The following ZNF451 variants were observed in gnomAD, a reference collection of about 807,000 sequenced individuals.
The protein encoded by ZNF451 is E3 SUMO-protein ligase ZNF451.
Under a neutral mutation model 107.1 loss-of-function variants are expected in ZNF451, and 80 were observed. That is an observed-to-expected ratio of 0.75 (90% CI 0.62 to 0.90). ZNF451 has a LOEUF of 0.90. ZNF451 is among the 40% of genes least tolerant of loss of function. The pLI is 0.00. For missense variants in ZNF451, 1,107 were observed against 1,236.2 expected (o/e 0.90, Z 1.57); for synonymous variants, 362 against 406.5 (o/e 0.89, Z 1.32).
At chr6:57,131,389 C>G (rs529474057) in intron 5 of ZNF451, among the ~76,000 whole-genome samples, 130 of 152,100 alleles carry the variant, frequency 8.5e-4, no homozygotes, top group Non-Finnish European at 1.6e-3. Context: ...GCTTCTCCAA[C>G]TTTATTTTTA....
At chr6:57,101,134 A>C in intron 3 of ZNF451, 2 of 1,550,786 alleles carry the variant, frequency 1.3e-6, no homozygotes, top group African/African-American at 1.4e-5. Context: ...AACTGATTAC[A>C]AATCACCATC....
At chr6:57,099,497 C>G in intron 3 of ZNF451, 1 of 716,956 alleles carries the variant, frequency 1.4e-6, no homozygotes, top group Non-Finnish European at 2.6e-6. Flanking sequence ...TTCTTTTGTT[C>G]CAGAACCACA....
At chr6:57,102,037 C>T (rs1159283490) in intron 3 of ZNF451, 3 of 1,548,386 alleles carry the variant, frequency 1.9e-6, no homozygotes, top group Non-Finnish European at 1.7e-6. Flanking sequence ...ACCTCGAAAC[C>T]ACCCCTATAG....
chr6:57,169,085 A>C lies in ZNF451; in HGVS notation c.*616A>C, dbSNP rs1199449280. 1 of 152,184 alleles carries C rather than the reference A, an allele frequency of 6.6e-6. No individual in the cohort carries two copies. Among genetic ancestry groups the C allele is most frequent in the Non-Finnish European group, 1.5e-5 (1 of 67,992 alleles). 9.4% of individuals were successfully genotyped at this position (152,184 alleles called of 1,614,324 possible). A position where few individuals can be genotyped will look rare whatever the true frequency, so the allele number is the denominator to read the frequency against. On this transcript the variant is annotated 3_prime_UTR_variant, in exon 15 of 15. Transcript: ENST00000370706. ...AGAGCAGCACATTGCTAAAATAAAA[A>C]ATACACCTTAATTTTTAAGAAATAA...
At position 57,153,983 on chromosome 6, in the gene ZNF451, C is replaced by CA; in HGVS notation, c.3006_3007insA (p.Pro1003ThrfsTer15). The CA allele has an allele frequency of 6.2e-7, 1 of 1,614,124 alleles. No individual in the cohort carries two copies. The highest frequency in any genetic ancestry group is 8.5e-7 in the Non-Finnish European group (1 of 1,180,016). ...CTCAGAGGCCAGCTCATATACTAAA[C>CA]CCTCACCACTTAGAGGGAGATATGA... On this transcript the variant is annotated frameshift_variant, in exon 13 of 15. Coordinates refer to ENST00000370706, the MANE Select transcript of ZNF451 (RefSeq NM_001031623.3). LOFTEE classifies it high-confidence loss of function.
At chr6:57,157,787 C>T (rs1315903233) in intron 13 of ZNF451, among the ~76,000 whole-genome samples, 1 of 151,924 alleles carries the variant, frequency 6.6e-6, no homozygotes, top group South Asian at 2.1e-4. Flanking sequence ...TATTTTATTC[C>T]CAAATACTTC....
chr6:57,131,892 G>GT (rs1156339178), intron 5 of ZNF451, among the ~76,000 whole-genome samples: 1 of 152,148 alleles, frequency 6.6e-6, no homozygotes, highest in Non-Finnish European at 1.5e-5. Context: ...TTTTGCAATT[G>GT]TTTTTTATAC....
chr6:57,136,494 AAG>A (rs1434968156), intron 7 of ZNF451, among the ~76,000 whole-genome samples: 1 of 152,160 alleles, frequency 6.6e-6, no homozygotes, highest in East Asian at 1.9e-4. Flanking sequence ...ATTCAGAATG[AAG>A]ACCTTAAAGT....
intron 3 of ZNF451, chr6:57,101,723 G>T (rs1414751211): frequency 1.9e-6 from 3 of 1,550,486 alleles, no homozygotes; most frequent in Non-Finnish European, 2.6e-6. Flanking sequence ...TGGCAACTTT[G>T]TACTACTAGG....
Position 57,124,875 on chromosome 6 carries a change from A to G in ZNF451, c.312+16A>G, listed in dbSNP as rs1350841925. Reference sequence around the variant, plus strand: ...AGCATTCAGAGTATGTGCTATTTTAATTGGTATTTTATATAATTAAAAAAT... The same window carrying G: ...AGCATTCAGAGTATGTGCTATTTTAGTTGGTATTTTATATAATTAAAAAAT... On this transcript the variant is annotated intron_variant, in intron 4 of 14. Coordinates refer to ENST00000370706, the MANE Select transcript of ZNF451 (RefSeq NM_001031623.3). The G allele has an allele frequency of 1.4e-6, 2 of 1,470,508 alleles. No homozygotes were observed. The highest frequency in any genetic ancestry group is 2.5e-5 in the East Asian group (1 of 40,610). The allele number at this position is 1,470,508 out of a possible 1,614,324, so 91.1% of individuals were successfully genotyped here.
In ZNF451 at chr6:57,124,486, C is replaced by G. The variant is rs997424071; in HGVS notation, c.187-248C>G. 6 of 716,602 alleles carry G rather than the reference C, an allele frequency of 8.4e-6. No individual in the cohort carries two copies. In the African/African-American group the frequency reaches 8.7e-5, roughly 10 times the overall value. 44.4% of individuals were successfully genotyped at this position (716,602 alleles called of 1,614,324 possible). ...CTGACAGATCTGAGAAGAGTTTACT[C>G]TTCAGCTTTTAAGTGAATAAAGATG... is the stretch of plus-strand genomic sequence containing the variant. On this transcript the variant is annotated intron_variant, in intron 3 of 14. Coordinates refer to ENST00000370706, the MANE Select transcript of ZNF451 (RefSeq NM_001031623.3).
intron 7 of ZNF451, among the ~76,000 whole-genome samples, chr6:57,138,775 G>GTGTGTA (rs1482741306): frequency 9.4e-6 from 1 of 106,244 alleles, no homozygotes; most frequent in African/African-American, 3.5e-5. Flanking sequence ...GTGTGTGTGT[G>GTGTGTA]TATATATATA....
At chr6:57,161,823 T>G (rs1763686452) in intron 14 of ZNF451, among the ~76,000 whole-genome samples, 2 of 152,180 alleles carry the variant, frequency 1.3e-5, no homozygotes, top group African/African-American at 4.8e-5. Flanking sequence ...GCCTCCACAG[T>G]AGCTGGTATT....
intron 3 of ZNF451, among the ~76,000 whole-genome samples, chr6:57,119,995 A>G (rs1289102571): frequency 6.6e-6 from 1 of 152,168 alleles, no homozygotes; most frequent in Non-Finnish European, 1.5e-5. Flanking sequence ...AGGCTTTGAC[A>G]AATGTGTAAT....
At position 57,142,071 on chromosome 6, in the gene ZNF451, A is replaced by T. The variant is rs757228297; in HGVS notation, c.980A>T (p.His327Leu). 1 of 1,613,096 alleles carries T rather than the reference A, an allele frequency of 6.2e-7. No individual in the cohort carries two copies. Among genetic ancestry groups the T allele is most frequent in the East Asian group, 2.2e-5 (1 of 44,882 alleles). ...GCCTGCCACAAGACACTGCGTTCCC[A>T]CATGGAGCTCACTGCCCATTTCAGG... ...CVACHKTLRS[H>L]MELTAHFRVH... Residue 327 changes from histidine to leucine, a missense_variant, in exon 9 of 15, where the codon CAC becomes CTC. Physicochemically the swap from His to Leu is moderately conservative, Grantham distance 99 (BLOSUM62 -3). This residue lies in a region of ZNF451 where 339 missense variants were observed against 372.8 expected (regional missense o/e 0.91). Transcript: ENST00000370706.
intron 5 of ZNF451, 65 bp from the exon 6 acceptor site, chr6:57,132,977 G>T: frequency 3.2e-6 from 5 of 1,547,902 alleles, no homozygotes; most frequent in East Asian, 2.3e-5. Context: ...TCCTAATTTT[G>T]ATCACTAGCC....
intron 13 of ZNF451, chr6:57,159,525 G>GTT (rs369246650): frequency 2.9e-3 from 392 of 135,354 alleles, no homozygotes; most frequent in Middle Eastern, 7.6e-3. Flanking sequence ...CATTATAAGA[G>GTT]TTTTTTTTTT....
chr6:57,100,907 A>G, intron 3 of ZNF451: 7 of 1,550,736 alleles, frequency 4.5e-6, no homozygotes, highest in Non-Finnish European at 6.1e-6. Context: ...TCTGAGGTCA[A>G]AGAGAATTTA....
chr6:57,101,400 A>G (rs1245733077), intron 3 of ZNF451: 7 of 1,550,722 alleles, frequency 4.5e-6, no homozygotes, highest in Non-Finnish European at 5.2e-6. Context: ...GACACAGGGT[A>G]TATCCTGTGG....
Sources: gnomAD v4.1 joint callset for allele counts (sites outside exome capture counted in the v4.1 genomes callset) on GRCh38, gnomAD v4.1.1 for gene constraint, gnomAD v4.1.1 regional missense constraint, MANE v1.5 for transcripts, NCBI Gene and HGNC (gene_info 2026-07-23, HGNC 2026-07-21) for gene names.